PGCKA1: variants seen among roughly 807,000 people sequenced by gnomAD.
The protein encoded by PGCKA1 is PDCD10 and GCKIII kinases associated 1, also known as PDCD10 and GCKIII kinases-associated protein 1.
At chr4:37,520,253 C>G in the PGCKA1 span, among the ~76,000 whole-genome samples, 1 of 152,150 alleles carries the variant, frequency 6.6e-6, no homozygotes, top group Non-Finnish European at 1.5e-5. Flanking sequence ...GTTTTGGTAT[C>G]AAGGTAATAC....
chr4:37,587,128 C>G, the PGCKA1 span, among the ~76,000 whole-genome samples: 1 of 152,090 alleles, frequency 6.6e-6, no homozygotes. Flanking sequence ...TTGTGACCTC[C>G]TTGCTCCAAT....
chr4:37,565,399 A>G, the PGCKA1 span, among the ~76,000 whole-genome samples: 2 of 152,186 alleles, frequency 1.3e-5, no homozygotes. Flanking sequence ...TTGGCTCACA[A>G]CACGGGCAGC....
chr4:37,571,483 C>G, the PGCKA1 span, among the ~76,000 whole-genome samples: 1 of 151,128 alleles, frequency 6.6e-6, no homozygotes, highest in Non-Finnish European at 1.5e-5. Context: ...CTGCCTCACC[C>G]TCCCGAGTGG....
the PGCKA1 span, among the ~76,000 whole-genome samples, chr4:37,558,256 T>C: frequency 6.6e-6 from 1 of 152,230 alleles, no homozygotes; most frequent in Non-Finnish European, 1.5e-5. Context: ...GTAGAATTGC[T>C]GTTTCCTTTT....
chr4:37,590,513 A>G, the PGCKA1 span: 6 of 1,614,058 alleles, frequency 3.7e-6, no homozygotes, highest in Admixed American at 1.7e-5. Flanking sequence ...CTGGCCTCAG[A>G]AGGGACCCAA....
At chr4:37,508,933 C>T in the PGCKA1 span, among the ~76,000 whole-genome samples, 3 of 149,442 alleles carry the variant, frequency 2.0e-5, no homozygotes, top group Admixed American at 6.7e-5. Flanking sequence ...CATCTTGCAC[C>T]GCCCTTAATC....
chr4:37,512,253 T>C, the PGCKA1 span, among the ~76,000 whole-genome samples: 1 of 120,576 alleles, frequency 8.3e-6, no homozygotes, highest in Non-Finnish European at 1.8e-5. Context: ...AGTGTCAAAC[T>C]TGGTGTTCCT....
the PGCKA1 span, among the ~76,000 whole-genome samples, chr4:37,560,662 C>A: frequency 2.0e-5 from 3 of 152,166 alleles, no homozygotes; most frequent in Non-Finnish European, 4.4e-5. Flanking sequence ...AAGAAACTCA[C>A]AGCTTACAGT....
At chr4:37,516,544 C>T in the PGCKA1 span, among the ~76,000 whole-genome samples, 1 of 152,144 alleles carries the variant, frequency 6.6e-6, no homozygotes, top group Non-Finnish European at 1.5e-5. Flanking sequence ...CCTTCTCTCT[C>T]ACTCCCTCAC....
chr4:37,483,236 G>A, the PGCKA1 span, among the ~76,000 whole-genome samples: 1 of 152,136 alleles, frequency 6.6e-6, no homozygotes, highest in Non-Finnish European at 1.5e-5. Context: ...ATGATTGTAA[G>A]TTTCCCAAGG....
At chr4:37,553,584 C>T in the PGCKA1 span, among the ~76,000 whole-genome samples, 1 of 152,076 alleles carries the variant, frequency 6.6e-6, no homozygotes, top group African/African-American at 2.4e-5. Flanking sequence ...TCTTACGTAA[C>T]ACAAAGATAG....
At chr4:37,469,909 C>T in the PGCKA1 span, among the ~76,000 whole-genome samples, 31 of 152,302 alleles carry the variant, frequency 2.0e-4, no homozygotes, top group Admixed American at 5.9e-4. Context: ...GCCACAAGAA[C>T]GCTGATCATA....
chr4:37,465,365 T>C, the PGCKA1 span, among the ~76,000 whole-genome samples: 17 of 151,324 alleles, frequency 1.1e-4, no homozygotes, highest in Non-Finnish European at 2.2e-4. Context: ...GACACAATCT[T>C]GGTGGGAGAC....
At chr4:37,565,188 A>C in the PGCKA1 span, among the ~76,000 whole-genome samples, 1 of 152,258 alleles carries the variant, frequency 6.6e-6, no homozygotes, top group Non-Finnish European at 1.5e-5. Flanking sequence ...AGAACTTGAC[A>C]TCTCTGTGTG....
chr4:37,541,322 C>T, the PGCKA1 span, among the ~76,000 whole-genome samples: 1 of 152,214 alleles, frequency 6.6e-6, no homozygotes, highest in Non-Finnish European at 1.5e-5. Context: ...ATATAAAGCA[C>T]CCACAAGTGG....
chr4:37,472,609 C>T, the PGCKA1 span, among the ~76,000 whole-genome samples: 13 of 152,278 alleles, frequency 8.5e-5, no homozygotes, highest in African/African-American at 2.9e-4. Flanking sequence ...TAGTCCACAT[C>T]GTGACATGAA....
the PGCKA1 span, among the ~76,000 whole-genome samples, chr4:37,560,360 C>A: frequency 6.6e-6 from 1 of 151,796 alleles, no homozygotes; most frequent in South Asian, 2.1e-4. Context: ...TGCTTGCCAG[C>A]ACTCTCAAGA....
chr4:37,491,340 A>T, the PGCKA1 span, among the ~76,000 whole-genome samples: 1 of 152,214 alleles, frequency 6.6e-6, no homozygotes, highest in East Asian at 1.9e-4. Context: ...CTCGATTTCA[A>T]TTAGAAAAAT....
the PGCKA1 span, among the ~76,000 whole-genome samples, chr4:37,527,248 G>GTTAAAAAGTTTATAAAT: frequency 6.6e-6 from 1 of 152,098 alleles, no homozygotes; most frequent in Non-Finnish European, 1.5e-5. Context: ...AGTTTATAAA[G>GTTAAAAAGTTTATAAAT]TAAAAAAGTT....
Sources: allele counts gnomAD v4.1 joint callset (sites outside exome capture counted in the v4.1 genomes callset), GRCh38; gene constraint gnomAD v4.1.1; transcripts MANE v1.5; gene names NCBI Gene and HGNC (gene_info 2026-07-23, HGNC 2026-07-21).